The following PKP2 variants were observed in gnomAD, a reference collection of about 807,000 sequenced individuals.
The protein encoded by PKP2 is plakophilin-2.
PKP2 carries 73 observed loss-of-function variants against 83.4 expected under a neutral mutation model. That is an observed-to-expected ratio of 0.88 (90% CI 0.72 to 1.06). The LOEUF is 1.06. Among genes scored for constraint, PKP2 ranks in the 50% least tolerant of loss-of-function variants. The pLI is 0.00. For missense variants in PKP2, 966 were observed against 1,065.4 expected, an observed-to-expected ratio of 0.91 and a Z score of 1.30; for synonymous variants, 409 against 430.4, an observed-to-expected ratio of 0.95 and a Z score of 0.62.
At chr12:32,834,092 C>A (rs914788538) in intron 6 of PKP2, among the ~76,000 whole-genome samples, 1 of 152,114 alleles carries the variant, frequency 6.6e-6, no homozygotes, top group Non-Finnish European at 1.5e-5. Context: ...TTGACTTTCT[C>A]CAGAAAAAAT....
At chr12:32,833,322 A>G (rs1956517195) in intron 6 of PKP2, among the ~76,000 whole-genome samples, 2 of 152,244 alleles carry the variant, frequency 1.3e-5, no homozygotes, top group Admixed American at 1.3e-4. Context: ...GTAAATTTCT[A>G]AAGTTTGGTA....
intron 3 of PKP2, 151 bp downstream of exon 3, chr12:32,877,694 CA>C: frequency 1.4e-6 from 1 of 708,116 alleles, no homozygotes; most frequent in Non-Finnish European, 2.5e-6. Context: ...GCTGATCTGT[CA>C]ATTAGGCAGC....
chr12:32,859,424 T>C lies in PKP2; in HGVS notation c.1171-8451A>G, dbSNP rs189310214. 1.4e-4 allele frequency among the ~76,000 whole-genome samples: 22 copies of C among 152,254 alleles called. No individual in the cohort carries two copies. In the East Asian group the frequency reaches 4.2e-3, roughly 29 times the overall value. ...AAATTCTATAAAAGCGTTTATTTTA[T>C]CATTTTAAAAAATATTTTTCTCAGT... On this transcript the variant is annotated intron_variant, in intron 4 of 12. Transcript: ENST00000340811.
chr12:32,848,149 G>A (rs1375413406), intron 5 of PKP2, among the ~76,000 whole-genome samples: 2 of 152,200 alleles, frequency 1.3e-5, no homozygotes, highest in East Asian at 1.9e-4. Context: ...CTGGTAGGGC[G>A]CGGTGGCTCA....
chr12:32,803,824 A>C (rs1008015568), intron 9 of PKP2, among the ~76,000 whole-genome samples: 1 of 152,236 alleles, frequency 6.6e-6, no homozygotes, highest in Non-Finnish European at 1.5e-5. Context: ...TCTGTGCATG[A>C]AATAGTTTAT....
At chr12:32,843,093 C>T (rs1044577380) in intron 5 of PKP2, 3 of 374,544 alleles carry the variant, frequency 8.0e-6, no homozygotes, top group Non-Finnish European at 1.6e-5. Flanking sequence ...GATTCTCCTG[C>T]CTCAGTCTCC....
intron 5 of PKP2, among the ~76,000 whole-genome samples, chr12:32,844,424 G>A (rs1956628571): frequency 6.6e-6 from 1 of 152,080 alleles, no homozygotes; most frequent in Non-Finnish European, 1.5e-5. Flanking sequence ...GAAAAATTGG[G>A]AAGGTACATA....
chr12:32,859,546 C>G (rs929276405), intron 4 of PKP2, among the ~76,000 whole-genome samples: 23 of 151,996 alleles, frequency 1.5e-4, no homozygotes, highest in African/African-American at 5.6e-4. Flanking sequence ...AACCTCTGCC[C>G]CCTGGGTTCA....
At chr12:32,812,875 C>T (rs1356431392) in intron 9 of PKP2, among the ~76,000 whole-genome samples, 2 of 152,166 alleles carry the variant, frequency 1.3e-5, no homozygotes, top group Non-Finnish European at 2.9e-5. Flanking sequence ...CTTTCTGTAA[C>T]CCACTTATAA....
chr12:32,868,697 A>AT (rs1956870491), intron 4 of PKP2, among the ~76,000 whole-genome samples: 1 of 150,938 alleles, frequency 6.6e-6, no homozygotes, highest in East Asian at 2.0e-4. Flanking sequence ...TAATTTTTGT[A>AT]TTTTTAGTAG....
At chr12:32,819,878 A>G (rs1254062240) in intron 9 of PKP2, among the ~76,000 whole-genome samples, 2 of 51,792 alleles carry the variant, frequency 3.9e-5, no homozygotes, top group African/African-American at 7.0e-5. Flanking sequence ...ACACACACGC[A>G]CACACAACCC....
At chr12:32,808,036 G>A (rs9988988) in intron 9 of PKP2, among the ~76,000 whole-genome samples, 29,662 of 151,962 alleles carry the variant, frequency 0.2, 3,565 homozygotes, top group East Asian at 0.56. Context: ...TCCTACTGGG[G>A]TTCTCTCCAT....
At chr12:32,795,382 T>C (rs892991073) in intron 11 of PKP2, among the ~76,000 whole-genome samples, 2 of 152,008 alleles carry the variant, frequency 1.3e-5, no homozygotes, top group Non-Finnish European at 2.9e-5. Context: ...TGCTGCTTTT[T>C]TTTTTTTTTC....
chr12:32,849,963 T>C (rs1478940040), intron 5 of PKP2, among the ~76,000 whole-genome samples: 1 of 152,206 alleles, frequency 6.6e-6, no homozygotes, highest in Non-Finnish European at 1.5e-5. Context: ...TCCATTTCAT[T>C]TTCTATAGAT....
At chr12:32,855,701 G>A (rs1361749319) in intron 4 of PKP2, among the ~76,000 whole-genome samples, 4 of 148,718 alleles carry the variant, frequency 2.7e-5, no homozygotes, top group Admixed American at 6.7e-5. Flanking sequence ...GCTTGAACCC[G>A]GGAGGCAGAG....
intron 11 of PKP2, among the ~76,000 whole-genome samples, chr12:32,794,266 A>G (rs781151953): frequency 6.6e-6 from 1 of 152,238 alleles, no homozygotes; most frequent in Non-Finnish European, 1.5e-5. Flanking sequence ...TCAAAACTGT[A>G]AAAAGTTATT....
At chr12:32,838,481 T>TA (rs11437484) in intron 6 of PKP2, among the ~76,000 whole-genome samples, 63,883 of 147,756 alleles carry the variant, frequency 0.43, 14,734 homozygotes, top group Non-Finnish European at 0.55. Flanking sequence ...AATCGAAAAT[T>TA]AAAAAAAAAA....
At position 32,791,030 on chromosome 12, in the gene PKP2, T is replaced by A. The variant is rs112547924; in HGVS notation, c.*1394A>T. ...TAAAGACTTAAGTACACATTCAAAATTTATTTTCTGTTACAGTTTTCTTGC... is the reference window on the plus strand; with the variant it reads ...TAAAGACTTAAGTACACATTCAAAAATTATTTTCTGTTACAGTTTTCTTGC... On this transcript the variant is annotated 3_prime_UTR_variant, in exon 13 of 13. Coordinates refer to ENST00000340811, the MANE Select transcript of PKP2 (RefSeq NM_001005242.3). 333 of 152,312 alleles carry A rather than the reference T, an allele frequency of 2.2e-3. 1 individual carries two copies. Among genetic ancestry groups the A allele is most frequent in the African/African-American group, 7.7e-3 (321 of 41,574 alleles). 9.4% of individuals were successfully genotyped at this position (152,312 alleles called of 1,614,324 possible).
At chr12:32,888,493 CTT>C (rs761228805) in intron 1 of PKP2, among the ~76,000 whole-genome samples, 5 of 144,084 alleles carry the variant, frequency 3.5e-5, no homozygotes, top group Non-Finnish European at 6.1e-5. Flanking sequence ...TTTTCTTTTT[CTT>C]TTTTTTTTTT....
Sources: gnomAD v4.1 joint callset for allele counts (sites outside exome capture counted in the v4.1 genomes callset) on GRCh38, gnomAD v4.1.1 for gene constraint, MANE v1.5 for transcripts, NCBI Gene and HGNC (gene_info 2026-07-23, HGNC 2026-07-21) for gene names.